INPP4B: variants seen among roughly 807,000 people sequenced by gnomAD.
The protein encoded by INPP4B is inositol polyphosphate-4-phosphatase type II B, also known as inositol polyphosphate 4-phosphatase type II.
Under a neutral mutation model 122.5 loss-of-function variants are expected in INPP4B, and 55 were observed. The ratio of observed to expected loss-of-function variants is 0.45; its 90% CI spans 0.36 to 0.56. INPP4B has a LOEUF of 0.56. Ranked by LOEUF, INPP4B falls within the 20% of genes least tolerant of loss-of-function variation. The pLI is 0.00. For missense variants in INPP4B, 1,000 were observed against 1,097.7 expected (o/e 0.91, Z 1.26); for synonymous variants, 403 against 388.7 (o/e 1.04, Z -0.43).
Position 142,545,752 on chromosome 4 carries a change from TACACA to T in INPP4B, c.-190-83031_-190-83027del, listed in dbSNP as rs1421566496. Among the ~76,000 whole-genome samples, 1,338 of 136,338 alleles carry T rather than the reference TACACA, an allele frequency of 9.8e-3. 8 individuals carry two copies. The highest frequency in any genetic ancestry group is 0.016 in the African/African-American group (555 of 35,620). The allele number at this position is 136,338 out of a possible 152,430, so 89.4% of individuals were successfully genotyped here. ...ATATACACATATATGTGTATATATA[TACACA>T]TGTATATGTGTGTATATATATACAC... On this transcript the variant is annotated intron_variant, in intron 2 of 25. Coordinates refer to ENST00000262992, the MANE Select transcript of INPP4B (RefSeq NM_001101669.3).
At chr4:142,232,295 G>A (rs1854732200) in intron 12 of INPP4B, among the ~76,000 whole-genome samples, 1 of 152,000 alleles carries the variant, frequency 6.6e-6, no homozygotes, top group South Asian at 2.1e-4. Context: ...AAGATTGGTG[G>A]CAATCCTTCG....
chr4:142,069,068 C>A (rs1201459030), intron 25 of INPP4B, among the ~76,000 whole-genome samples: 1 of 152,166 alleles, frequency 6.6e-6, no homozygotes, highest in African/African-American at 2.4e-5. Context: ...CCAAAATTGA[C>A]CACAGAGTTG....
chr4:142,146,084 G>C, intron 17 of INPP4B, 88 bp from the exon 18 acceptor site: 2 of 1,425,732 alleles, frequency 1.4e-6, no homozygotes, highest in Non-Finnish European at 1.9e-6. Flanking sequence ...AGAAGCATTT[G>C]GAAGGGTAGT....
chr4:142,416,813 T>C (rs1805869591), intron 5 of INPP4B, among the ~76,000 whole-genome samples: 1 of 152,126 alleles, frequency 6.6e-6, no homozygotes, highest in Non-Finnish European at 1.5e-5. Context: ...GCTTTGAGGG[T>C]GTCGATTCTT....
At chr4:142,215,198 CAG>C (rs1846599591) in intron 12 of INPP4B, among the ~76,000 whole-genome samples, 1 of 152,186 alleles carries the variant, frequency 6.6e-6, no homozygotes, top group South Asian at 2.1e-4. Flanking sequence ...TTGTTTATCT[CAG>C]AGTCACTAGA....
intron 7 of INPP4B, among the ~76,000 whole-genome samples, chr4:142,333,096 A>G (rs1775315197): frequency 6.6e-6 from 1 of 152,012 alleles, no homozygotes; most frequent in Admixed American, 6.6e-5. Flanking sequence ...GAGACAGATT[A>G]CATGGAAGAG....
At chr4:142,504,074 T>A (rs775983317) in intron 2 of INPP4B, among the ~76,000 whole-genome samples, 108 of 152,084 alleles carry the variant, frequency 7.1e-4, no homozygotes, top group Non-Finnish European at 1.3e-3. Flanking sequence ...TTACATGGTA[T>A]TTTCTGAGGC....
chr4:142,678,636 G>A (rs752428345), intron 2 of INPP4B, among the ~76,000 whole-genome samples: 46 of 151,826 alleles, frequency 3.0e-4, no homozygotes, highest in Non-Finnish European at 6.5e-4. Context: ...ATATAAAAAG[G>A]GTTAGTGAAA....
At position 142,806,844 on chromosome 4, in the gene INPP4B, AAAGAAAG is replaced by A. The variant is rs1561091712; in HGVS notation, c.-254+39358_-254+39364del. Among the ~76,000 whole-genome samples the A allele has an allele frequency of 2.4e-3, 361 of 151,154 alleles. 3 individuals carry two copies. Among genetic ancestry groups the A allele is most frequent in the African/African-American group, 8.2e-3 (337 of 41,012 alleles). The stretch of plus-strand genomic sequence containing the variant: ...GAAAGAAAGAAAGAAAGAAAGAAAG[AAAGAAAG>A]GAGAAGAAAAAGAAACAAGCTAAAG... On this transcript the variant is annotated intron_variant, in intron 1 of 25. Coordinates refer to ENST00000262992, the MANE Select transcript of INPP4B (RefSeq NM_001101669.3).
chr4:142,589,340 T>C (rs768654159), intron 2 of INPP4B, among the ~76,000 whole-genome samples: 4 of 152,020 alleles, frequency 2.6e-5, no homozygotes, highest in Non-Finnish European at 5.9e-5. Flanking sequence ...AAAGACACTA[T>C]TAAGGTATCA....
At chr4:142,262,422 CAT>C (rs1740543306) in intron 10 of INPP4B, among the ~76,000 whole-genome samples, 1 of 152,156 alleles carries the variant, frequency 6.6e-6, no homozygotes, top group African/African-American at 2.4e-5. Context: ...TTATTCCTGA[CAT>C]ATATCCCCAT....
intron 9 of INPP4B, among the ~76,000 whole-genome samples, chr4:142,271,879 G>C (rs995480209): frequency 6.6e-6 from 1 of 152,076 alleles, no homozygotes; most frequent in Non-Finnish European, 1.5e-5. Context: ...AAGTTTACGA[G>C]CCACACTTTA....
At chr4:142,338,274 G>A (rs1405481659) in intron 7 of INPP4B, among the ~76,000 whole-genome samples, 1 of 152,048 alleles carries the variant, frequency 6.6e-6, no homozygotes, top group African/African-American at 2.4e-5. Flanking sequence ...CTTGCTCTGT[G>A]GCCCAGGCTG....
chr4:142,570,854 AC>A (rs1331767804), intron 2 of INPP4B, among the ~76,000 whole-genome samples: 3 of 151,500 alleles, frequency 2.0e-5, no homozygotes, highest in Non-Finnish European at 4.4e-5. Context: ...CATCTCATCA[AC>A]CCCACTTTCA....
At chr4:142,381,085 A>T (rs555697881) in intron 7 of INPP4B, among the ~76,000 whole-genome samples, 15 of 152,246 alleles carry the variant, frequency 9.9e-5, no homozygotes, top group Admixed American at 7.2e-4. Context: ...TATATCTTTA[A>T]GTCCTGGTGT....
intron 12 of INPP4B, among the ~76,000 whole-genome samples, chr4:142,215,595 C>T (rs947330033): frequency 6.6e-6 from 1 of 151,960 alleles, no homozygotes; most frequent in African/African-American, 2.4e-5. Context: ...GATAACAGCA[C>T]CCTGTGGTCC....
chr4:142,292,298 C>T (rs906655876), intron 9 of INPP4B, among the ~76,000 whole-genome samples: 2 of 152,136 alleles, frequency 1.3e-5, no homozygotes, highest in African/African-American at 2.4e-5. Flanking sequence ...CAACTTTCTT[C>T]GATGTTACAA....
intron 5 of INPP4B, among the ~76,000 whole-genome samples, chr4:142,415,589 GT>G (rs1805543493): frequency 6.6e-6 from 1 of 152,004 alleles, no homozygotes; most frequent in East Asian, 1.9e-4. Context: ...GTGGAAGTCA[GT>G]GTGGCGATTC....
chr4:142,071,355 A>C (rs1767188495), intron 25 of INPP4B, among the ~76,000 whole-genome samples: 1 of 152,212 alleles, frequency 6.6e-6, no homozygotes. Context: ...TTAAAGACTT[A>C]AACATTAGAC....
Sources: gnomAD v4.1 joint callset for allele counts (sites outside exome capture counted in the v4.1 genomes callset) on GRCh38, gnomAD v4.1.1 for gene constraint, MANE v1.5 for transcripts, NCBI Gene and HGNC (gene_info 2026-07-23, HGNC 2026-07-21) for gene names.